The following EEF2K variants were observed in gnomAD, a reference collection of about 807,000 sequenced individuals.
EEF2K encodes eukaryotic elongation factor 2 kinase.
In EEF2K, 70 loss-of-function variants were observed where a neutral mutation model predicts 93.8. The ratio of observed to expected loss-of-function variants is 0.75; its 90% CI spans 0.62 to 0.91. EEF2K has a LOEUF of 0.91. Ranked by LOEUF, EEF2K falls within the 40% of genes least tolerant of loss-of-function variation. EEF2K has a pLI of 0.00. For synonymous variants in EEF2K, 376 were observed against 380.8 expected (o/e 0.99, Z 0.15); for missense variants, 935 against 972.9 (o/e 0.96, Z 0.52).
In EEF2K at chr16:22,262,587, C is replaced by T. The variant is rs1429723061; in HGVS notation, c.1300-523C>T. 2.6e-5 allele frequency among the ~76,000 whole-genome samples: 4 copies of T among 152,108 alleles called. 1 individual carries two copies. Among genetic ancestry groups the T allele is most frequent in the Admixed American group, 2.0e-4 (3 of 15,256 alleles). The stretch of plus-strand genomic sequence containing the variant: ...ATTGTTCCCAATGCTATATTTTTGT[C>T]CGTGGGTCATAGCCCTTAACCAGCC... On this transcript the variant is annotated intron_variant, in intron 11 of 17. Coordinates refer to ENST00000263026, the MANE Select transcript of EEF2K (RefSeq NM_013302.5).
intron 4 of EEF2K, among the ~76,000 whole-genome samples, chr16:22,249,709 G>T (rs1009324154): frequency 6.6e-6 from 1 of 152,106 alleles, no homozygotes; most frequent in African/African-American, 2.4e-5. Context: ...CTGGGCTCAA[G>T]CAATTATCCC....
intron 16 of EEF2K, among the ~76,000 whole-genome samples, chr16:22,277,272 G>A (rs1186174618): frequency 6.6e-6 from 1 of 152,042 alleles, no homozygotes; most frequent in Admixed American, 6.6e-5. Flanking sequence ...GAGTAGCTGG[G>A]ACCATAGCCA....
At chr16:22,242,823 C>A (rs994438431) in intron 2 of EEF2K, among the ~76,000 whole-genome samples, 3 of 152,014 alleles carry the variant, frequency 2.0e-5, no homozygotes, top group Non-Finnish European at 4.4e-5. Flanking sequence ...GAGTTAAATG[C>A]TATGTTATGT....
intron 1 of EEF2K, among the ~76,000 whole-genome samples, chr16:22,212,476 C>A (rs2046924257): frequency 1.3e-5 from 2 of 152,066 alleles, no homozygotes; most frequent in South Asian, 4.1e-4. Flanking sequence ...AGGTACACAC[C>A]ACCACACCCA....
intron 3 of EEF2K, 54 bp downstream of exon 3, chr16:22,244,784 C>T: frequency 6.3e-7 from 1 of 1,584,198 alleles, no homozygotes; most frequent in Non-Finnish European, 8.7e-7. Flanking sequence ...CGTCCAGCTT[C>T]TGTTCCCAAT....
chr16:22,215,112 C>T (rs539944603), intron 1 of EEF2K, among the ~76,000 whole-genome samples: 1 of 152,248 alleles, frequency 6.6e-6, no homozygotes, highest in South Asian at 2.1e-4. Context: ...CCTATACAAA[C>T]GAGGACTTGG....
intron 15 of EEF2K, among the ~76,000 whole-genome samples, chr16:22,270,932 A>ATG (rs548069671): frequency 8.4e-4 from 125 of 148,368 alleles, no homozygotes; most frequent in African/African-American, 2.5e-3. Context: ...GTGTGTATAT[A>ATG]TGTGTGTGTG....
At chr16:22,241,921 G>A (rs1188290995) in intron 2 of EEF2K, among the ~76,000 whole-genome samples, 1 of 151,944 alleles carries the variant, frequency 6.6e-6, no homozygotes, top group Non-Finnish European at 1.5e-5. Context: ...TTGAGGCCAG[G>A]AGTTCGAGAC....
chr16:22,213,244 C>T (rs1435885741), intron 1 of EEF2K, among the ~76,000 whole-genome samples: 3 of 152,208 alleles, frequency 2.0e-5, no homozygotes, highest in Non-Finnish European at 4.4e-5. Context: ...GTAGTTGCTG[C>T]ACTCCAGCCT....
chr16:22,208,536 TAAA>T (rs1485371723), intron 1 of EEF2K, among the ~76,000 whole-genome samples: 2 of 151,966 alleles, frequency 1.3e-5, no homozygotes, highest in Admixed American at 1.3e-4. Flanking sequence ...TCTCAAAAAA[TAAA>T]AAAGATCCAC....
At position 22,280,723 on chromosome 16, in the gene EEF2K, G is replaced by A. The variant is rs148922112; in HGVS notation, c.2068+347G>A. Among the ~76,000 whole-genome samples the A allele has an allele frequency of 1.9e-3, 279 of 147,046 alleles. 1 individual carries two copies. The highest frequency in any genetic ancestry group is 6.7e-3 in the African/African-American group (266 of 39,784). On this transcript the variant is annotated intron_variant, in intron 17 of 17. Coordinates refer to ENST00000263026, the MANE Select transcript of EEF2K (RefSeq NM_013302.5). ...TCTATAGCCCAGACTGGAGTGCAAC[G>A]GCATAATCTTGGCTCACTGCAGCCT... is the stretch of plus-strand genomic sequence containing the variant.
At chr16:22,217,160 CAAAAAAAA>C (rs59262131) in intron 1 of EEF2K, among the ~76,000 whole-genome samples, 9 of 76,478 alleles carry the variant, frequency 1.2e-4, no homozygotes, top group African/African-American at 1.3e-4. Context: ...GACCCTGTCT[CAAAAAAAA>C]AAAAAAAAAA....
intron 1 of EEF2K, among the ~76,000 whole-genome samples, chr16:22,221,286 A>G (rs549067474): frequency 2.0e-5 from 3 of 152,252 alleles, no homozygotes; most frequent in Admixed American, 2.0e-4. Flanking sequence ...TGGAAGTTCA[A>G]GACCAGCCTG....
At position 22,284,021 on chromosome 16, in the gene EEF2K, C is replaced by A. The variant is rs752527207; in HGVS notation, c.*25C>A. On this transcript the variant is annotated 3_prime_UTR_variant, in exon 18 of 18. Transcript: ENST00000263026. Reference sequence around the variant, plus strand: ...ACCAGGAAAATCACTGCCGGCTAGTCCCAAGCAAACGGGCTAGGAGGAAAG... The same window carrying A: ...ACCAGGAAAATCACTGCCGGCTAGTACCAAGCAAACGGGCTAGGAGGAAAG... 7 of 1,543,778 alleles carry A rather than the reference C, an allele frequency of 4.5e-6. No individual in the cohort carries two copies. Among genetic ancestry groups the A allele is most frequent in the East Asian group, 2.4e-5 (1 of 41,528 alleles).
chr16:22,242,742 G>A (rs572248235), intron 2 of EEF2K, among the ~76,000 whole-genome samples: 1 of 152,214 alleles, frequency 6.6e-6, no homozygotes, highest in South Asian at 2.1e-4. Flanking sequence ...TGTTCTGCAC[G>A]ATGAATTTTC....
At chr16:22,216,658 T>C (rs2046960205) in intron 1 of EEF2K, among the ~76,000 whole-genome samples, 1 of 151,618 alleles carries the variant, frequency 6.6e-6, no homozygotes, top group Non-Finnish European at 1.5e-5. Context: ...TTTTGGGAGG[T>C]TGACGCGGGA....
At chr16:22,215,851 G>A (rs904649042) in intron 1 of EEF2K, among the ~76,000 whole-genome samples, 2 of 152,160 alleles carry the variant, frequency 1.3e-5, no homozygotes, top group Non-Finnish European at 2.9e-5. Context: ...CTTGAATCCG[G>A]GAGGCGGAGG....
intron 2 of EEF2K, among the ~76,000 whole-genome samples, chr16:22,232,412 G>C (rs1381504452): frequency 6.6e-6 from 1 of 151,354 alleles, no homozygotes; most frequent in African/African-American, 2.4e-5. Context: ...TTTTTTTTTG[G>C]AACGATGGGG....
At chr16:22,229,357 T>C (rs1325254428) in intron 2 of EEF2K, among the ~76,000 whole-genome samples, 1 of 152,188 alleles carries the variant, frequency 6.6e-6, no homozygotes, top group East Asian at 1.9e-4. Flanking sequence ...TTCTCTGGAC[T>C]GAGGAAAAGT....
Sources: gnomAD v4.1 joint callset for allele counts (sites outside exome capture counted in the v4.1 genomes callset) on GRCh38, gnomAD v4.1.1 for gene constraint, MANE v1.5 for transcripts, NCBI Gene and HGNC (gene_info 2026-07-23, HGNC 2026-07-21) for gene names.